Variants in MAB21L4 observed in about 807,000 individuals in gnomAD.
MAB21L4 encodes the protein protein mab-21-like 4.
Under a neutral mutation model 32.4 loss-of-function variants are expected in MAB21L4, and 25 were observed. That is an observed-to-expected ratio of 0.77 (90% CI 0.56 to 1.08). MAB21L4 has a LOEUF of 1.08. MAB21L4 is among the 50% of genes least tolerant of loss of function. The pLI is 0.00. For synonymous variants in MAB21L4, 280 were observed against 276.8 expected, an observed-to-expected ratio of 1.01 and a Z score of -0.11; for missense variants, 638 against 611.0, an observed-to-expected ratio of 1.04 and a Z score of -0.47.
chr2:240,889,078 C>G (rs1437197217), intron 3 of MAB21L4, among the ~76,000 whole-genome samples: 1 of 152,162 alleles, frequency 6.6e-6, no homozygotes, highest in Non-Finnish European at 1.5e-5. Flanking sequence ...TGACCCCTGG[C>G]CTGAACCACA....
intron 1 of MAB21L4, among the ~76,000 whole-genome samples, chr2:240,892,807 C>A (rs1392253244): frequency 1.1e-4 from 16 of 151,876 alleles, no homozygotes; most frequent in Non-Finnish European, 2.4e-4. Context: ...GGACCCCACC[C>A]GGGACCCAGC....
upstream of MAB21L4, among the ~76,000 whole-genome samples, chr2:240,896,381 C>T (rs888999067): frequency 6.6e-6 from 1 of 152,186 alleles, no homozygotes; most frequent in African/African-American, 2.4e-5. Flanking sequence ...TGGACTGTGC[C>T]GTCCCTGGGA....
intron 3 of MAB21L4, 67 bp downstream of exon 3, chr2:240,889,938 A>G: frequency 6.6e-7 from 1 of 1,519,154 alleles, no homozygotes; most frequent in Non-Finnish European, 8.9e-7. Context: ...GGCAGGAGGG[A>G]CACGCCTGGG....
At position 240,887,019 on chromosome 2, in the gene MAB21L4, C is replaced by T; in HGVS notation, c.*51G>A. The T allele has an allele frequency of 7.2e-7, 1 of 1,393,288 alleles. No individual in the cohort carries two copies. The highest frequency in any genetic ancestry group is 1.4e-5 in the African/African-American group (1 of 70,456). 86.3% of individuals were successfully genotyped at this position (1,393,288 alleles called of 1,614,324 possible). A position where few individuals can be genotyped will look rare whatever the true frequency, so the allele number is the denominator to read the frequency against. ...CCCAGGAGCCTCCCATGGTGCAGTG[C>T]AGAGTCTGTTGGGGAGCCAAGAACA... On this transcript the variant is annotated 3_prime_UTR_variant, in exon 5 of 5. Coordinates refer to ENST00000388934, the MANE Select transcript of MAB21L4 (RefSeq NM_001085437.3).
chr2:240,893,695 G>A (rs1324258106), intron 1 of MAB21L4, among the ~76,000 whole-genome samples: 1 of 151,994 alleles, frequency 6.6e-6, no homozygotes, highest in Non-Finnish European at 1.5e-5. Flanking sequence ...AGCTTCAGGG[G>A]CTGTGGGCGC....
At chr2:240,891,387 C>T (rs924714260) in intron 2 of MAB21L4, 151 bp downstream of exon 2, 3 of 714,966 alleles carry the variant, frequency 4.2e-6, no homozygotes, top group African/African-American at 1.8e-5. Flanking sequence ...GCCAGAGACC[C>T]CAGTAATCTC....
At position 240,886,740 on chromosome 2, in the gene MAB21L4, A is replaced by G. The variant is rs1056309967; in HGVS notation, c.*330T>C. ...GCATTTCGTCACCAAGGAATGGCAT[A>G]CAGTGCAGGCAGGGCCAAGTCCTCA... On this transcript the variant is annotated 3_prime_UTR_variant, in exon 5 of 5. Coordinates refer to ENST00000388934, the MANE Select transcript of MAB21L4 (RefSeq NM_001085437.3). The G allele has an allele frequency of 3.3e-6, 1 of 301,510 alleles. No individual in the cohort carries two copies. 18.7% of individuals were successfully genotyped at this position (301,510 alleles called of 1,614,324 possible). A position where few individuals can be genotyped will look rare whatever the true frequency, so the allele number is the denominator to read the frequency against.
chr2:240,895,810 C>G lies in MAB21L4; in HGVS notation c.188G>C (p.Arg63Pro), dbSNP rs377398179. 4 of 1,599,926 alleles carry G rather than the reference C, an allele frequency of 2.5e-6. No homozygotes were observed. In the African/African-American group the frequency reaches 5.4e-5, roughly 21 times the overall value. ...LDPRFIVDYS[R>P]GLEAFQFALR... ...GGCGAACTGGAAGGCCTCCAGGCCA[C>G]GGGAGTAGTCCACGATGAAGCGGGG... Residue 63 changes from arginine to proline, a missense_variant, in exon 1 of 5, where the codon CGT becomes CCT. By Grantham distance (103) the Arg-to-Pro change is moderately radical (BLOSUM62 -2). Coordinates refer to ENST00000388934, the MANE Select transcript of MAB21L4 (RefSeq NM_001085437.3).
chr2:240,896,091 T>TGA lies in MAB21L4; in HGVS notation c.-96_-95dup, dbSNP rs34124657. On this transcript the variant is annotated 5_prime_UTR_variant, in exon 1 of 5. Transcript: ENST00000388934. ...GGCTGTGAGGAGGCACCTGCCCAGG[T>TGA]GAGCAGCAGGTCTGCAGGTGGGGCC... 147,783 of 1,376,420 alleles carry TGA rather than the reference T, an allele frequency of 0.11. 9,144 individuals are homozygous for TGA. The highest frequency in any genetic ancestry group is 0.28 in the African/African-American group (18,787 of 68,062). 85.3% of individuals were successfully genotyped at this position (1,376,420 alleles called of 1,614,324 possible).
upstream of MAB21L4, among the ~76,000 whole-genome samples, chr2:240,896,402 T>G (rs1277659417): frequency 6.6e-5 from 10 of 152,140 alleles, no homozygotes; most frequent in Non-Finnish European, 1.5e-4. Context: ...TGGGAGCCTC[T>G]GTGTGTTGCT....
At chr2:240,892,677 A>C in intron 1 of MAB21L4, among the ~76,000 whole-genome samples, 1 of 151,776 alleles carries the variant, frequency 6.6e-6, no homozygotes, top group East Asian at 1.9e-4. Flanking sequence ...CTCAGCCACT[A>C]TTCCTGACCA....
In MAB21L4 at chr2:240,891,687, G is replaced by T; in HGVS notation, c.591C>A (p.Ile197=). The T allele has an allele frequency of 6.2e-7, 1 of 1,609,800 alleles. No homozygotes were observed. The highest frequency in any genetic ancestry group is 8.5e-7 in the Non-Finnish European group (1 of 1,179,974). Residue 197 remains isoleucine, a synonymous_variant, in exon 2 of 5, where the codon ATC becomes ATA. Transcript: ENST00000388934. ...TCACCACGGGCACCACGTGGAAGCT[G>T]ATTGTTCTCCAGCCGCTGGACACCA... ...SLLVSSGWRT[I]SFHVVPVVRR...
At chr2:240,888,234 T>A in intron 4 of MAB21L4, 58 bp downstream of exon 4, 1 of 1,363,134 alleles carries the variant, frequency 7.3e-7, no homozygotes, top group South Asian at 1.5e-5. Flanking sequence ...AGGCCAGGGC[T>A]CCATTCCACC....
chr2:240,887,849 C>T (rs941573848), intron 4 of MAB21L4, among the ~76,000 whole-genome samples: 2 of 152,044 alleles, frequency 1.3e-5, no homozygotes, highest in Non-Finnish European at 2.9e-5. Flanking sequence ...CGAGAAGTGG[C>T]CCAGGGGACA....
intron 3 of MAB21L4, among the ~76,000 whole-genome samples, chr2:240,889,464 C>T (rs759778866): frequency 1.3e-5 from 2 of 152,196 alleles, no homozygotes; most frequent in Non-Finnish European, 2.9e-5. Context: ...CCCCCACCTG[C>T]TTCCTCGGGG....
At chr2:240,893,425 A>T (rs1054247885) in intron 1 of MAB21L4, among the ~76,000 whole-genome samples, 1 of 152,200 alleles carries the variant, frequency 6.6e-6, no homozygotes, top group Non-Finnish European at 1.5e-5. Context: ...GCAGCACTTG[A>T]GGTGCCTGCC....
At chr2:240,892,956 C>G (rs913262862) in intron 1 of MAB21L4, among the ~76,000 whole-genome samples, 1 of 152,160 alleles carries the variant, frequency 6.6e-6, no homozygotes, top group Non-Finnish European at 1.5e-5. Context: ...CCCTACCCCC[C>G]CAAAAACAAA....
At position 240,890,166 on chromosome 2, in the gene MAB21L4, C is replaced by G; in HGVS notation, c.741-8G>C. 1 of 1,591,572 alleles carries G rather than the reference C, an allele frequency of 6.3e-7. No homozygotes were observed. The highest frequency in any genetic ancestry group is 8.6e-7 in the Non-Finnish European group (1 of 1,164,934). ...AGGTAGTCAGTGGAGGTCCTGGGGC[C>G]CAGACAGACGCACTGGGTCAGCCCC... On this transcript the variant is annotated splice_polypyrimidine_tract_variant and splice_region_variant and intron_variant, in intron 2 of 4. Coordinates refer to ENST00000388934, the MANE Select transcript of MAB21L4 (RefSeq NM_001085437.3).
intron 2 of MAB21L4, among the ~76,000 whole-genome samples, chr2:240,890,806 C>T (rs902463726): frequency 6.6e-6 from 1 of 152,262 alleles, no homozygotes; most frequent in Non-Finnish European, 1.5e-5. Context: ...AGCCCTTCCC[C>T]TTCCTTGGCA....
Sources: allele counts gnomAD v4.1 joint callset (sites outside exome capture counted in the v4.1 genomes callset), GRCh38; gene constraint gnomAD v4.1.1; transcripts MANE v1.5; gene names NCBI Gene and HGNC (gene_info 2026-07-23, HGNC 2026-07-21).